The following EPHA6 variants were observed in gnomAD, a reference collection of about 807,000 sequenced individuals.
The protein encoded by EPHA6 is EPH receptor A6.
A neutral mutation model predicts 112.0 loss-of-function variants in EPHA6; 50 were observed. That is an observed-to-expected ratio of 0.45 (90% CI 0.36 to 0.56). The LOEUF (loss-of-function observed/expected upper bound fraction) is 0.56, where lower values mean the gene tolerates loss of function less well. EPHA6 is among the 20% of genes least tolerant of loss of function. The pLI, the probability that EPHA6 is intolerant of heterozygous loss-of-function variation, is 0.00. For missense variants in EPHA6, 1,280 were observed against 1,417.4 expected, an observed-to-expected ratio of 0.90 and a Z score of 1.56; for synonymous variants, 529 against 490.7, an observed-to-expected ratio of 1.08 and a Z score of -1.03.
chr3:97,036,679 G>T (rs1231642695), intron 3 of EPHA6, among the ~76,000 whole-genome samples: 1 of 151,906 alleles, frequency 6.6e-6, no homozygotes. Flanking sequence ...ACCCTTTGCT[G>T]GAGTTTTCCC....
At chr3:97,198,566 G>A (rs2077499657) in intron 3 of EPHA6, among the ~76,000 whole-genome samples, 1 of 152,090 alleles carries the variant, frequency 6.6e-6, no homozygotes, top group South Asian at 2.1e-4. Flanking sequence ...AAGGATCTAT[G>A]GGGATAAGGT....
rs116617601 is a variant in EPHA6, at chr3:97,437,335, A to G, written c.1732-11233A>G. 5.9e-3 allele frequency among the ~76,000 whole-genome samples: 899 copies of G among 152,242 alleles called. 8 individuals carry two copies. Among genetic ancestry groups the G allele is most frequent in the African/African-American group, 0.021 (870 of 41,548 alleles). ...AAAATTAGATATAATTAATCAAAGGACCATGCACATGTTGCCTTTCTAGTT... is the reference window on the plus strand; with the variant it reads ...AAAATTAGATATAATTAATCAAAGGGCCATGCACATGTTGCCTTTCTAGTT... On this transcript the variant is annotated intron_variant, in intron 6 of 17. Coordinates refer to ENST00000389672, the MANE Select transcript of EPHA6 (RefSeq NM_001080448.3).
At chr3:97,391,489 T>C (rs1198010319) in intron 5 of EPHA6, among the ~76,000 whole-genome samples, 1 of 151,988 alleles carries the variant, frequency 6.6e-6, no homozygotes, top group African/African-American at 2.4e-5. Flanking sequence ...TGATCCTATT[T>C]CTTCACCTTT....
rs138397495 is a variant in EPHA6, at chr3:97,257,485, G to T, written c.1606+13198G>T. 3.3e-5 allele frequency among the ~76,000 whole-genome samples: 5 copies of T among 152,070 alleles called. No individual in the cohort carries two copies. In the East Asian group the frequency reaches 9.6e-4, roughly 29 times the overall value. On this transcript the variant is annotated intron_variant, in intron 5 of 17. Transcript: ENST00000389672. The stretch of plus-strand genomic sequence containing the variant: ...AGAAATGCAAATTAAAACAGTAATG[G>T]TAGGCAATGTTTTTCTCATCAAATT...
intron 5 of EPHA6, among the ~76,000 whole-genome samples, chr3:97,290,498 C>T (rs1004452726): frequency 1.3e-5 from 2 of 152,092 alleles, no homozygotes; most frequent in African/African-American, 2.4e-5. Flanking sequence ...CGTTAGTTTT[C>T]TGCATTGGTG....
chr3:97,309,044 C>A (rs2081438613), intron 5 of EPHA6, among the ~76,000 whole-genome samples: 2 of 151,640 alleles, frequency 1.3e-5, no homozygotes, highest in Non-Finnish European at 3.0e-5. Context: ...ATAACAAAGA[C>A]AACATATCCT....
At chr3:97,502,745 A>C (rs146153324) in intron 10 of EPHA6, among the ~76,000 whole-genome samples, 16 of 148,224 alleles carry the variant, frequency 1.1e-4, no homozygotes, top group Non-Finnish European at 2.1e-4. Flanking sequence ...GAGGGAGGGG[A>C]ATCACTTGAA....
chr3:97,573,374 C>CA (rs1202300072), intron 11 of EPHA6, among the ~76,000 whole-genome samples: 1 of 152,004 alleles, frequency 6.6e-6, no homozygotes, highest in East Asian at 1.9e-4. Context: ...CTGGCTAATA[C>CA]AAAAAAGCTA....
intron 3 of EPHA6, among the ~76,000 whole-genome samples, chr3:97,119,474 A>G (rs761490953): frequency 6.6e-6 from 1 of 151,944 alleles, no homozygotes; most frequent in African/African-American, 2.4e-5. Context: ...ACCAGAAGCA[A>G]TAAAAAGCTG....
At position 96,814,688 on chromosome 3, in the gene EPHA6, A is replaced by G; in HGVS notation, c.65A>G (p.Glu22Gly). The G allele has an allele frequency of 6.7e-7, 1 of 1,492,534 alleles. No individual in the cohort carries two copies. Among genetic ancestry groups the G allele is most frequent in the Non-Finnish European group, 8.9e-7 (1 of 1,120,368 alleles). 92.5% of individuals were successfully genotyped at this position (1,492,534 alleles called of 1,614,324 possible). Reference protein sequence around the residue: ...SPAPQAASSSEAAAPATGQPG... With the variant: ...SPAPQAASSSGAAAPATGQPG... ...GCGCCGCAGGCAGCGTCCTCCTCCG[A>G]AGCAGCTGCACCTGCAACTGGGCAG... The change falls in exon 1 of 18, where the codon GAA becomes GGA. Residue 22 changes from glutamate to glycine, a missense_variant. Transcript: ENST00000389672.
chr3:97,361,592 C>A (rs1378594100), intron 5 of EPHA6, among the ~76,000 whole-genome samples: 2 of 152,146 alleles, frequency 1.3e-5, no homozygotes, highest in Non-Finnish European at 2.9e-5. Flanking sequence ...TGGTGGGACT[C>A]TGCAGAGTAT....
chr3:97,711,223 C>T (rs2033950852), intron 14 of EPHA6, among the ~76,000 whole-genome samples: 1 of 152,092 alleles, frequency 6.6e-6, no homozygotes, highest in Non-Finnish European at 1.5e-5. Flanking sequence ...TGCTGCCATC[C>T]ATGTAAGACG....
chr3:97,534,014 CTA>C (rs759205875), intron 11 of EPHA6, among the ~76,000 whole-genome samples: 3 of 152,142 alleles, frequency 2.0e-5, no homozygotes, highest in Non-Finnish European at 2.9e-5. Context: ...TTTTAAGCCA[CTA>C]AGTTTCAGAT....
intron 13 of EPHA6, among the ~76,000 whole-genome samples, chr3:97,636,733 G>C (rs1482356742): frequency 6.6e-6 from 1 of 152,068 alleles, no homozygotes; most frequent in Non-Finnish European, 1.5e-5. Flanking sequence ...TTTGAAATCA[G>C]ATATGTATTC....
At chr3:97,699,123 G>T (rs1006788309) in intron 14 of EPHA6, among the ~76,000 whole-genome samples, 2 of 152,046 alleles carry the variant, frequency 1.3e-5, no homozygotes, top group African/African-American at 4.8e-5. Flanking sequence ...AGACGAGCAG[G>T]GTTCAGAAAC....
chr3:97,010,006 G>T, intron 3 of EPHA6: 3 of 943,430 alleles, frequency 3.2e-6, no homozygotes, highest in Non-Finnish European at 4.5e-6. Context: ...TTTGATAGGA[G>T]CCTCCAAAGG....
chr3:97,088,709 G>A (rs1358068782), intron 3 of EPHA6, among the ~76,000 whole-genome samples: 1 of 152,080 alleles, frequency 6.6e-6, no homozygotes, highest in South Asian at 2.1e-4. Context: ...GCCTGCCTGG[G>A]AGAGGACTGG....
chr3:97,430,549 A>C (rs1559997401), intron 6 of EPHA6, among the ~76,000 whole-genome samples: 1 of 152,132 alleles, frequency 6.6e-6, no homozygotes, highest in Non-Finnish European at 1.5e-5. Flanking sequence ...ACCTGAAAAA[A>C]TACCCTACAT....
intron 2 of EPHA6, among the ~76,000 whole-genome samples, chr3:96,879,305 C>T (rs2037162528): frequency 6.6e-6 from 1 of 151,850 alleles, no homozygotes; most frequent in African/African-American, 2.4e-5. Flanking sequence ...TTCTATCTAC[C>T]ATAAACAAAC....
Sources: allele counts gnomAD v4.1 joint callset (sites outside exome capture counted in the v4.1 genomes callset), GRCh38; gene constraint gnomAD v4.1.1; transcripts MANE v1.5; gene names NCBI Gene and HGNC (gene_info 2026-07-23, HGNC 2026-07-21).